Variants in LRRC37A2 observed in about 807,000 individuals in gnomAD.
LRRC37A2 encodes the protein leucine-rich repeat-containing protein 37A2.
Under a neutral mutation model 68.8 loss-of-function variants are expected in LRRC37A2, and 9 were observed. The observed-to-expected ratio is 0.13, with a 90% CI of 0.08 to 0.23. The LOEUF (loss-of-function observed/expected upper bound fraction) is 0.23, where lower values mean the gene tolerates loss of function less well. Among genes scored for constraint, LRRC37A2 ranks in the 10% least tolerant of loss-of-function variants. The pLI, the probability that LRRC37A2 is intolerant of heterozygous loss-of-function variation, is 1.00. For missense variants in LRRC37A2, 168 were observed against 950.4 expected (o/e 0.18, Z 10.82); for synonymous variants, 63 against 367.6 (o/e 0.17, Z 9.48).
the LRRC37A2 span, among the ~76,000 whole-genome samples, chr17:46,684,849 A>G: frequency 8.6e-6 from 1 of 116,700 alleles, no homozygotes; most frequent in Non-Finnish European, 1.8e-5. Flanking sequence ...TCTTATTTTA[A>G]TCCTTTTTAA....
At chr17:46,707,514 C>G in the LRRC37A2 span, among the ~76,000 whole-genome samples, 1 of 152,130 alleles carries the variant, frequency 6.6e-6, no homozygotes, top group African/African-American at 2.4e-5. Context: ...AACTGAAACT[C>G]TATACCCATT....
chr17:46,905,833 G>A, the LRRC37A2 span, among the ~76,000 whole-genome samples: 1 of 151,552 alleles, frequency 6.6e-6, no homozygotes, highest in South Asian at 2.1e-4. Flanking sequence ...GGGGGATGGG[G>A]TAAGGGTATT....
chr17:46,722,809 AG>A, the LRRC37A2 span, among the ~76,000 whole-genome samples: 1 of 152,176 alleles, frequency 6.6e-6, no homozygotes, highest in African/African-American at 2.4e-5. Flanking sequence ...AGCTACCCGG[AG>A]GAGTTTCAGT....
chr17:46,742,318 T>A, the LRRC37A2 span, among the ~76,000 whole-genome samples: 2 of 152,386 alleles, frequency 1.3e-5, no homozygotes, highest in South Asian at 4.1e-4. Flanking sequence ...TGCATTTTTC[T>A]AGGACCAGAA....
At chr17:46,492,998 G>GTTTTTTT in the LRRC37A2 span, among the ~76,000 whole-genome samples, 1 of 130,122 alleles carries the variant, frequency 7.7e-6, no homozygotes, top group East Asian at 2.3e-4. Context: ...CTGGCCTCAA[G>GTTTTTTT]TTTTTTTTTT....
the LRRC37A2 span, among the ~76,000 whole-genome samples, chr17:46,808,125 G>A: frequency 6.6e-6 from 1 of 152,300 alleles, no homozygotes; most frequent in East Asian, 1.9e-4. Context: ...GGTCATTTAC[G>A]CTACCCTTTC....
chr17:46,638,543 A>G, the LRRC37A2 span, among the ~76,000 whole-genome samples: 1 of 43,468 alleles, frequency 2.3e-5, no homozygotes, highest in Non-Finnish European at 3.5e-5. Flanking sequence ...ACACCCGACT[A>G]ATTTTGTACT....
the LRRC37A2 span, among the ~76,000 whole-genome samples, chr17:46,747,570 G>A: frequency 4.3e-4 from 66 of 152,112 alleles, no homozygotes; most frequent in South Asian, 8.3e-4. Flanking sequence ...GTGAGCCACC[G>A]GCCTCAGAGA....
the LRRC37A2 span, among the ~76,000 whole-genome samples, chr17:46,667,209 A>ATG: frequency 0.15 from 18,154 of 123,858 alleles, 2,614 homozygotes; most frequent in East Asian, 0.59. Flanking sequence ...TAAGTGCTTT[A>ATG]TGTGCATTAT....
intron 11 of LRRC37A2, among the ~76,000 whole-genome samples, chr17:46,551,209 A>T (rs1292773569): frequency 6.7e-6 from 1 of 148,962 alleles, no homozygotes; most frequent in African/African-American, 2.6e-5. Context: ...AACTTACCTA[A>T]AGCCTACATC....
the LRRC37A2 span, among the ~76,000 whole-genome samples, chr17:46,857,696 T>C: frequency 2.0e-5 from 3 of 152,298 alleles, no homozygotes; most frequent in South Asian, 6.2e-4. Context: ...TACACAGTAA[T>C]GTATGAGAGT....
the LRRC37A2 span, among the ~76,000 whole-genome samples, chr17:46,943,553 G>C: frequency 6.6e-6 from 1 of 152,176 alleles, no homozygotes; most frequent in African/African-American, 2.4e-5. Context: ...CATACTGCAC[G>C]CTTCCTGCGG....
the LRRC37A2 span, among the ~76,000 whole-genome samples, chr17:46,745,994 C>T: frequency 1.2e-4 from 18 of 152,170 alleles, no homozygotes; most frequent in Non-Finnish European, 2.4e-4. Context: ...CCTTACGACT[C>T]AACTCATGTA....
the LRRC37A2 span, among the ~76,000 whole-genome samples, chr17:46,730,876 C>A: frequency 6.6e-6 from 1 of 152,132 alleles, no homozygotes; most frequent in African/African-American, 2.4e-5. Context: ...TCATTGCATA[C>A]CTGCTAGAAT....
the LRRC37A2 span, among the ~76,000 whole-genome samples, chr17:46,806,181 T>TTTTTTTC: frequency 2.7e-5 from 4 of 150,624 alleles, no homozygotes; most frequent in African/African-American, 4.9e-5. Flanking sequence ...CTCGGTTTTC[T>TTTTTTTC]TTTTTTCTTT....
At chr17:46,787,231 G>A in the LRRC37A2 span, among the ~76,000 whole-genome samples, 1 of 150,762 alleles carries the variant, frequency 6.6e-6, no homozygotes, top group African/African-American at 2.4e-5. Flanking sequence ...GTGAGCCAGC[G>A]TGCCCAGCCA....
the LRRC37A2 span, chr17:46,930,148 C>T: frequency 6.5e-6 from 1 of 154,540 alleles, no homozygotes; most frequent in Non-Finnish European, 1.4e-5. Flanking sequence ...TGCTGGGCTC[C>T]CTCAGGACCC....
chr17:46,852,156 G>A, the LRRC37A2 span, among the ~76,000 whole-genome samples: 1 of 152,200 alleles, frequency 6.6e-6, no homozygotes, highest in Non-Finnish European at 1.5e-5. Context: ...CCCACCCTCC[G>A]CCTTCGCCCT....
At chr17:46,875,399 C>T in the LRRC37A2 span, 1 of 1,558,566 alleles carries the variant, frequency 6.4e-7, no homozygotes, top group Admixed American at 1.8e-5. Flanking sequence ...GCAGTGCCTT[C>T]CCACCAGGGT....
Sources: allele counts gnomAD v4.1 joint callset (sites outside exome capture counted in the v4.1 genomes callset), GRCh38; gene constraint gnomAD v4.1.1; transcripts MANE v1.5; gene names NCBI Gene and HGNC (gene_info 2026-07-23, HGNC 2026-07-21).